AP5M1: variants seen among roughly 807,000 people sequenced by gnomAD.
AP5M1 encodes adaptor related protein complex 5 subunit mu 1.
A neutral mutation model predicts 52.3 loss-of-function variants in AP5M1; 44 were observed. The observed-to-expected ratio is 0.84, with a 90% CI of 0.66 to 1.08. The LOEUF (loss-of-function observed/expected upper bound fraction) is 1.08. Ranked by LOEUF, AP5M1 falls within the 50% of genes least tolerant of loss-of-function variation. The pLI, the probability that AP5M1 is intolerant of heterozygous loss-of-function variation, is 0.00. For missense variants in AP5M1, 526 were observed against 568.4 expected (o/e 0.93, Z 0.76); for synonymous variants, 213 against 199.0 (o/e 1.07, Z -0.59).
Position 57,288,825 on chromosome 14 carries a change from T to A in AP5M1, c.1414T>A (p.Tyr472Asn), listed in dbSNP as rs759323504. ...AGACCGGAAACTAATTTCTTCTGAT[T>A]ATTACATCTGGAATTCTAAAGCCCC... is the stretch of plus-strand genomic sequence containing the variant. ...SAHRKLISSD[Y>N]YIWNSKAPAP... Residue 472 changes from tyrosine (Y) to asparagine (N), a missense_variant, in exon 8 of 8, where the codon TAT (tyrosine) becomes AAT (asparagine). Physicochemically the swap from Tyr to Asn is moderately radical, Grantham distance 143. Transcript: ENST00000261558. 7 of 1,589,614 alleles carry A rather than the reference T, an allele frequency of 4.4e-6. No individual in the cohort carries two copies. Among genetic ancestry groups the A allele is most frequent in the Non-Finnish European group, 6.0e-6 (7 of 1,160,582 alleles).
intron 2 of AP5M1, among the ~76,000 whole-genome samples, chr14:57,278,214 G>A (rs1288189414): frequency 2.0e-5 from 3 of 152,144 alleles, no homozygotes; most frequent in Non-Finnish European, 2.9e-5. Flanking sequence ...ATAGAAATTA[G>A]GGCTTATTCA....
intron 6 of AP5M1, among the ~76,000 whole-genome samples, chr14:57,286,008 CA>C (rs920543147): frequency 7.3e-5 from 11 of 151,692 alleles, no homozygotes; most frequent in Admixed American, 3.9e-4. Context: ...GACAGCCTTA[CA>C]AAAAAATGGC....
rs751435806 is a variant in AP5M1 at position 57,274,256 on chromosome 14, T to C, written c.87T>C (p.Thr29=). The part of the protein sequence containing the change: ...GTVRFSRRYP[T]VEKRARVFNG... ...TTCCGTAATGCAGACGGTATCCAAC[T>C]GTTGAAAAACGAGCCAGAGTCTTCA... is the stretch of plus-strand genomic sequence containing the variant. The change falls in exon 2 of 8, where the codon ACT becomes ACC. Residue 29 remains threonine (T), a synonymous_variant. Transcript: ENST00000261558. 9 of 1,608,928 alleles carry C rather than the reference T, an allele frequency of 5.6e-6. 1 individual carries two copies. The highest frequency in any genetic ancestry group is 4.5e-5 in the East Asian group (2 of 44,804).
Position 57,291,421 on chromosome 14 carries a change from C to T in AP5M1, c.*2537C>T, listed in dbSNP as rs533280616. On this transcript the variant is annotated 3_prime_UTR_variant, in exon 8 of 8. Transcript: ENST00000261558. ...TTTTAGAATGAACTCCAGAAAAGAT[C>T]GTTCATGATTTTGTAAACGCTTCTT... 9.5e-4 allele frequency: 144 copies of T among 151,714 alleles called. 1 individual carries two copies. The highest frequency in any genetic ancestry group is 3.3e-3 in the African/African-American group (137 of 41,446). 9.4% of individuals were successfully genotyped at this position (151,714 alleles called of 1,614,324 possible).
At chr14:57,276,336 G>A (rs1477267385) in intron 2 of AP5M1, among the ~76,000 whole-genome samples, 1 of 152,146 alleles carries the variant, frequency 6.6e-6, no homozygotes, top group East Asian at 1.9e-4. Flanking sequence ...AGCACTTTCA[G>A]AGGCCAAGGC....
intron 2 of AP5M1, among the ~76,000 whole-genome samples, chr14:57,279,926 T>C (rs1885131581): frequency 1.3e-5 from 2 of 152,212 alleles, no homozygotes; most frequent in African/African-American, 4.8e-5. Context: ...TCAATGTGTT[T>C]CAACAGGAAT....
intron 3 of AP5M1, among the ~76,000 whole-genome samples, chr14:57,280,806 G>T (rs561337728): frequency 8.0e-5 from 12 of 150,576 alleles, no homozygotes; most frequent in Non-Finnish European, 1.8e-4. Context: ...AGCCAAGATC[G>T]CACCAGCGCA....
At chr14:57,278,314 T>C (rs1442406828) in intron 2 of AP5M1, 1 of 152,180 alleles carries the variant, frequency 6.6e-6, no homozygotes, top group East Asian at 1.9e-4. Flanking sequence ...CTGGAGGAGA[T>C]AGACAAATCA....
At chr14:57,280,050 A>G (rs1295792348) in intron 2 of AP5M1, 145 bp from the exon 3 acceptor site, 3 of 682,254 alleles carry the variant, frequency 4.4e-6, no homozygotes, top group Non-Finnish European at 2.6e-6. Context: ...TGATAAAACC[A>G]TTAATAAGAA....
chr14:57,290,366 T>C lies in AP5M1; in HGVS notation c.*1482T>C, dbSNP rs925621509. Reference sequence around the variant, plus strand: ...TAGCTTAATCATAGATAATCAGCAGTGAAAACTTTCCTTTTGAAAGAAGAA... The same window carrying C: ...TAGCTTAATCATAGATAATCAGCAGCGAAAACTTTCCTTTTGAAAGAAGAA... On this transcript the variant is annotated 3_prime_UTR_variant, in exon 8 of 8. Transcript: ENST00000261558. 6.6e-6 allele frequency: 1 copy of C among 151,984 alleles called. No homozygotes were observed. Among genetic ancestry groups the C allele is most frequent in the Admixed American group, 6.6e-5 (1 of 15,232 alleles). The allele number at this position is 151,984 out of a possible 1,614,324, so 9.4% of individuals were successfully genotyped here.
intron 2 of AP5M1, among the ~76,000 whole-genome samples, chr14:57,279,633 G>A (rs1885124871): frequency 6.6e-6 from 1 of 152,010 alleles, no homozygotes; most frequent in Non-Finnish European, 1.5e-5. Context: ...CATGGCCCAC[G>A]TTTACATATG....
intron 1 of AP5M1, among the ~76,000 whole-genome samples, chr14:57,272,800 C>T (rs1277269364): frequency 6.6e-6 from 1 of 152,140 alleles, no homozygotes; most frequent in Non-Finnish European, 1.5e-5. Context: ...GGTGTGCTAC[C>T]TGATTCTTCC....
rs182557316 is a variant in AP5M1 at position 57,276,584 on chromosome 14, G to C, written c.720+1695G>C. On this transcript the variant is annotated intron_variant, in intron 2 of 7. Coordinates refer to ENST00000261558, the MANE Select transcript of AP5M1 (RefSeq NM_018229.4). ...AGCTATACTCTGTCTTAAAAAAAAA[G>C]AAAATAGGAAAATTCACCAATTCTG... 1.8e-3 allele frequency among the ~76,000 whole-genome samples: 255 copies of C among 144,590 alleles called. 1 individual carries two copies. Among genetic ancestry groups the C allele is most frequent in the Middle Eastern group, 3.7e-3 (1 of 270 alleles). The allele number at this position is 144,590 out of a possible 152,430, so 94.9% of individuals were successfully genotyped here.
rs1885575692 is a variant in AP5M1 at position 57,297,438 on chromosome 14, T to A, written c.*8554T>A. ...GAAATGTTAGGTAATCTAACATTTGTATGCTAATGTGTCTTAGATTTACCA... is the reference window on the plus strand; with the variant it reads ...GAAATGTTAGGTAATCTAACATTTGAATGCTAATGTGTCTTAGATTTACCA... On this transcript the variant is annotated 3_prime_UTR_variant, in exon 8 of 8. Transcript: ENST00000261558. 6.6e-6 allele frequency: 1 copy of A among 152,146 alleles called. No homozygotes were observed. The highest frequency in any genetic ancestry group is 1.5e-5 in the Non-Finnish European group (1 of 68,006). 9.4% of individuals were successfully genotyped at this position (152,146 alleles called of 1,614,324 possible). A position where few individuals can be genotyped will look rare whatever the true frequency, so the allele number is the denominator to read the frequency against.
At chr14:57,280,948 T>G (rs1346699100) in intron 3 of AP5M1, among the ~76,000 whole-genome samples, 1 of 152,180 alleles carries the variant, frequency 6.6e-6, no homozygotes, top group Non-Finnish European at 1.5e-5. Flanking sequence ...TGAACTTTTT[T>G]TTTAATATTC....
At position 57,293,811 on chromosome 14, in the gene AP5M1, C is replaced by T. The variant is rs2139702988; in HGVS notation, c.*4927C>T. The T allele has an allele frequency of 6.6e-6, 1 of 151,584 alleles. No homozygotes were observed. The highest frequency in any genetic ancestry group is 2.4e-5 in the African/African-American group (1 of 41,422). 9.4% of individuals were successfully genotyped at this position (151,584 alleles called of 1,614,324 possible). On this transcript the variant is annotated 3_prime_UTR_variant, in exon 8 of 8. Transcript: ENST00000261558. ...TGACTTGGTGGGTTTCCCTGTGAAA[C>T]ATGTCAGTATCATGTAAGATGAAGA...
intron 3 of AP5M1, among the ~76,000 whole-genome samples, chr14:57,281,283 C>T (rs1885168435): frequency 6.6e-6 from 1 of 152,116 alleles, no homozygotes; most frequent in East Asian, 1.9e-4. Context: ...TGGATTTGAA[C>T]CCCAATTTTT....
At position 57,293,887 on chromosome 14, in the gene AP5M1, TTAATAG is replaced by T. The variant is rs919281853; in HGVS notation, c.*5008_*5013del. On this transcript the variant is annotated 3_prime_UTR_variant, in exon 8 of 8. Transcript: ENST00000261558. ...ATCTTTCCTCCAAACACAGTATTAG[TTAATAG>T]TAATGAAATGATTCATTAAACTGAA... is the stretch of plus-strand genomic sequence containing the variant. 2.6e-5 allele frequency: 4 copies of T among 151,780 alleles called. No individual in the cohort carries two copies. The highest frequency in any genetic ancestry group is 9.6e-5 in the African/African-American group (4 of 41,498). 9.4% of individuals were successfully genotyped at this position (151,780 alleles called of 1,614,324 possible). A position where few individuals can be genotyped will look rare whatever the true frequency, so the allele number is the denominator to read the frequency against.
rs904601564 is a variant in AP5M1 at position 57,293,209 on chromosome 14, T to C, written c.*4325T>C. 1.3e-5 allele frequency: 2 copies of C among 151,668 alleles called. No homozygotes were observed. Among genetic ancestry groups the C allele is most frequent in the Non-Finnish European group, 3.0e-5 (2 of 67,758 alleles). 9.4% of individuals were successfully genotyped at this position (151,668 alleles called of 1,614,324 possible). A position where few individuals can be genotyped will look rare whatever the true frequency, so the allele number is the denominator to read the frequency against. On this transcript the variant is annotated 3_prime_UTR_variant, in exon 8 of 8. Coordinates refer to ENST00000261558, the MANE Select transcript of AP5M1 (RefSeq NM_018229.4). ...TATCTTGTAAGATGTCAAATCGGGA[T>C]TTATTCCTCCAGTATATTTTAAGAC...
Sources: allele counts gnomAD v4.1 joint callset (sites outside exome capture counted in the v4.1 genomes callset), GRCh38; gene constraint gnomAD v4.1.1; transcripts MANE v1.5; gene names NCBI Gene and HGNC (gene_info 2026-07-23, HGNC 2026-07-21).